OPRM1: variants seen among roughly 807,000 people sequenced by gnomAD.
OPRM1 encodes mu-type opioid receptor.
Under a neutral mutation model 31.8 loss-of-function variants are expected in OPRM1, and 27 were observed. The ratio of observed to expected loss-of-function variants is 0.85; its 90% confidence interval spans 0.63 to 1.17. The LOEUF (loss-of-function observed/expected upper bound fraction) is 1.17, where lower values mean the gene tolerates loss of function less well. Among genes scored for constraint, OPRM1 ranks in the 50% most tolerant of loss-of-function variants. The pLI, the probability that OPRM1 is intolerant of heterozygous loss-of-function variation, is 0.00. For synonymous variants in OPRM1, 196 were observed against 189.9 expected (o/e 1.03, Z -0.26); for missense variants, 536 against 511.1 (o/e 1.05, Z -0.47).
At chr6:154,216,320 G>T (rs1012924695) in intron 3 of OPRM1, among the ~76,000 whole-genome samples, 7 of 152,172 alleles carry the variant, frequency 4.6e-5, no homozygotes, top group Admixed American at 4.6e-4. Flanking sequence ...GTGGGGGGTG[G>T]TTGTAATGAC....
chr6:154,216,599 G>C (rs112311709), intron 3 of OPRM1, among the ~76,000 whole-genome samples: 1 of 152,246 alleles, frequency 6.6e-6, no homozygotes, highest in African/African-American at 2.4e-5. Context: ...GCCGGGCACA[G>C]TGGCTCACAC....
intron 3 of OPRM1, among the ~76,000 whole-genome samples, chr6:154,141,087 C>T (rs1442820946): frequency 6.6e-6 from 1 of 152,196 alleles, no homozygotes; most frequent in Non-Finnish European, 1.5e-5. Flanking sequence ...GAATCAGATC[C>T]ACCCCTGACT....
intron 3 of OPRM1, among the ~76,000 whole-genome samples, chr6:154,245,072 T>G (rs149045943): frequency 2.0e-5 from 3 of 152,278 alleles, no homozygotes; most frequent in African/African-American, 7.2e-5. Context: ...TGTATTTGTT[T>G]AGGAAAACTC....
chr6:154,101,554 A>G (rs1408611280), intron 3 of OPRM1, among the ~76,000 whole-genome samples: 1 of 152,210 alleles, frequency 6.6e-6, no homozygotes, highest in Non-Finnish European at 1.5e-5. Flanking sequence ...AGTATAGCAA[A>G]TATCAACGTC....
At chr6:154,103,970 T>G (rs1387668828) in intron 3 of OPRM1, among the ~76,000 whole-genome samples, 1 of 152,246 alleles carries the variant, frequency 6.6e-6, no homozygotes, top group Non-Finnish European at 1.5e-5. Context: ...CCAATAGGTT[T>G]CAGCCTCATT....
intron 1 of OPRM1, among the ~76,000 whole-genome samples, chr6:154,050,616 G>A (rs1782001579): frequency 6.6e-6 from 1 of 151,734 alleles, no homozygotes; most frequent in Non-Finnish European, 1.5e-5. Context: ...GGTAGTGGGG[G>A]CTGATGGGGG....
At chr6:154,031,806 T>C (rs1472958521) in intron 1 of OPRM1, among the ~76,000 whole-genome samples, 1 of 151,696 alleles carries the variant, frequency 6.6e-6, no homozygotes, top group East Asian at 1.9e-4. Flanking sequence ...GGAAAAAAAA[T>C]GAGCAAAAAC....
At chr6:154,031,181 T>C (rs1477406771) in intron 1 of OPRM1, among the ~76,000 whole-genome samples, 1 of 152,244 alleles carries the variant, frequency 6.6e-6, no homozygotes, top group Non-Finnish European at 1.5e-5. Context: ...TATCTTACTG[T>C]TAATATAAAA....
At chr6:154,013,689 G>A (rs777365943) in intron 1 of OPRM1, among the ~76,000 whole-genome samples, 18 of 152,136 alleles carry the variant, frequency 1.2e-4, no homozygotes, top group Non-Finnish European at 2.2e-4. Flanking sequence ...TCTGAGATCT[G>A]TCAACTATGC....
chr6:154,010,829 CT>C (rs1777685954), exon 1 of OPRM1: 1 of 1,374,148 alleles, frequency 7.3e-7, no homozygotes, highest in Non-Finnish European at 9.4e-7. Context: ...AGGGCTCCTG[CT>C]TTTCCTGTAA....
intron 3 of OPRM1, among the ~76,000 whole-genome samples, chr6:154,141,058 A>G (rs1798194100): frequency 6.6e-6 from 1 of 152,164 alleles, no homozygotes; most frequent in African/African-American, 2.4e-5. Context: ...CATGGTTAAG[A>G]TTTGTCACTC....
chr6:154,059,504 A>G (rs1783986308), intron 1 of OPRM1, among the ~76,000 whole-genome samples: 1 of 152,168 alleles, frequency 6.6e-6, no homozygotes, highest in African/African-American at 2.4e-5. Context: ...AGATCTAGTC[A>G]GGCTTCCTGG....
At chr6:154,080,839 A>G (rs1788934336) in intron 1 of OPRM1, among the ~76,000 whole-genome samples, 1 of 152,258 alleles carries the variant, frequency 6.6e-6, no homozygotes, top group South Asian at 2.1e-4. Context: ...CTTCTCTGTT[A>G]GACAATGATA....
upstream of OPRM1, among the ~76,000 whole-genome samples, chr6:154,037,994 G>A (rs1415079592): frequency 6.6e-6 from 1 of 152,100 alleles, no homozygotes; most frequent in Non-Finnish European, 1.5e-5. Context: ...AGGTATTTTT[G>A]TTAGTCTCTA....
intron 1 of OPRM1, among the ~76,000 whole-genome samples, chr6:154,018,393 C>G (rs1005441650): frequency 6.6e-6 from 1 of 152,002 alleles, no homozygotes; most frequent in African/African-American, 2.4e-5. Flanking sequence ...GAACTCCAGC[C>G]TGTGTGACAG....
At chr6:154,192,318 CTGTG>C (rs56231733) in intron 3 of OPRM1, among the ~76,000 whole-genome samples, 2,515 of 148,068 alleles carry the variant, frequency 0.017, 61 homozygotes, top group African/African-American at 0.049. Context: ...CACGTGGTTA[CTGTG>C]TGTGTGTGTG....
intron 3 of OPRM1, among the ~76,000 whole-genome samples, chr6:154,226,100 T>C (rs763656045): frequency 1.3e-5 from 2 of 152,248 alleles, no homozygotes; most frequent in South Asian, 2.1e-4. Flanking sequence ...GTTTCTTAAA[T>C]GTCAGAGTTC....
intron 3 of OPRM1, among the ~76,000 whole-genome samples, chr6:154,243,265 T>C (rs1219305776): frequency 6.6e-6 from 1 of 152,132 alleles, no homozygotes; most frequent in Non-Finnish European, 1.5e-5. Context: ...AAAACAAAAC[T>C]GTGGATTTTA....
intron 1 of OPRM1, among the ~76,000 whole-genome samples, chr6:154,067,509 G>A (rs920787551): frequency 1.3e-5 from 2 of 151,084 alleles, no homozygotes; most frequent in South Asian, 2.1e-4. Flanking sequence ...TCCAATTTTG[G>A]TCAGAGAAGA....
Sources: allele counts gnomAD v4.1 joint callset (sites outside exome capture counted in the v4.1 genomes callset), GRCh38; gene constraint gnomAD v4.1.1; transcripts MANE v1.5; gene names NCBI Gene and HGNC (gene_info 2026-07-23, HGNC 2026-07-21).